Variants in ZNF423 observed in about 807,000 individuals in gnomAD.
ZNF423 encodes Ebf-associated zinc finger protein.
A neutral mutation model predicts 95.8 loss-of-function variants in ZNF423; 12 were observed. The observed-to-expected ratio is 0.13, with a 90% confidence interval of 0.08 to 0.20. The LOEUF (loss-of-function observed/expected upper bound fraction) is 0.20. Among genes scored for constraint, ZNF423 ranks in the 10% least tolerant of loss-of-function variants. ZNF423 has a pLI of 1.00. For synonymous variants in ZNF423, 749 were observed against 711.9 expected (o/e 1.05, Z -0.83); for missense variants, 1,316 against 1,737.1 (o/e 0.76, Z 4.31).
At chr16:49,542,296 T>G (rs1969279770) in intron 5 of ZNF423, among the ~76,000 whole-genome samples, 1 of 152,228 alleles carries the variant, frequency 6.6e-6, no homozygotes, top group African/African-American at 2.4e-5. Context: ...TCAAGTGGAA[T>G]GGACAGGCCA....
intron 2 of ZNF423, among the ~76,000 whole-genome samples, chr16:49,742,639 G>A (rs1286340586): frequency 3.9e-5 from 6 of 152,042 alleles, no homozygotes; most frequent in Admixed American, 6.6e-5. Flanking sequence ...CAGGGCCGGC[G>A]GTGGGCAGGG....
At chr16:49,710,854 A>G (rs1007942332) in intron 3 of ZNF423, among the ~76,000 whole-genome samples, 1 of 152,154 alleles carries the variant, frequency 6.6e-6, no homozygotes, top group African/African-American at 2.4e-5. Flanking sequence ...TGAGGTTGCA[A>G]TGTCTCCCTC....
intron 5 of ZNF423, among the ~76,000 whole-genome samples, chr16:49,552,528 GA>G (rs1333374758): frequency 6.6e-6 from 1 of 152,170 alleles, no homozygotes; most frequent in African/African-American, 2.4e-5. Context: ...AGAGATTGGA[GA>G]TATTAAGAAT....
chr16:49,723,283 C>CTGTAGTT (rs1248314100), intron 3 of ZNF423, among the ~76,000 whole-genome samples: 2 of 152,140 alleles, frequency 1.3e-5, no homozygotes, highest in Admixed American at 1.3e-4. Context: ...CTGTCCATTT[C>CTGTAGTT]TGTAGTTTGC....
chr16:49,651,004 AGTCACTTTTGGCTTTT>A (rs1973379131), intron 3 of ZNF423, among the ~76,000 whole-genome samples: 1 of 151,124 alleles, frequency 6.6e-6, no homozygotes, highest in South Asian at 2.1e-4. Context: ...CTTAATTCAC[AGTCACTTTTGGCTTTT>A]TTTTTTTCTT....
chr16:49,543,738 G>A (rs1488302411), intron 5 of ZNF423, among the ~76,000 whole-genome samples: 1 of 152,200 alleles, frequency 6.6e-6, no homozygotes, highest in African/African-American at 2.4e-5. Context: ...CCCAACTGAG[G>A]AAGGACTGCC....
intron 7 of ZNF423, among the ~76,000 whole-genome samples, chr16:49,519,707 A>T (rs759111774): frequency 6.6e-6 from 1 of 152,232 alleles, no homozygotes; most frequent in Non-Finnish European, 1.5e-5. Context: ...GTCTTTCAAA[A>T]GCAAACTTCT....
intron 5 of ZNF423, among the ~76,000 whole-genome samples, chr16:49,526,511 A>C (rs1968616332): frequency 6.6e-6 from 1 of 152,136 alleles, no homozygotes; most frequent in Admixed American, 6.5e-5. Flanking sequence ...AGCAGGTTCA[A>C]ATTCTGGCTC....
At chr16:49,669,789 C>T (rs1185315523) in intron 3 of ZNF423, among the ~76,000 whole-genome samples, 1 of 152,122 alleles carries the variant, frequency 6.6e-6, no homozygotes, top group Non-Finnish European at 1.5e-5. Flanking sequence ...AGGGCTCCTG[C>T]TTCCCTACTC....
Position 49,636,775 on chromosome 16 carries a change from C to G in ZNF423, c.2401G>C (p.Glu801Gln). 1 of 1,614,036 alleles carries G rather than the reference C, an allele frequency of 6.2e-7. No homozygotes were observed. The highest frequency in any genetic ancestry group is 8.5e-7 in the Non-Finnish European group (1 of 1,179,970). Residue 801 changes from glutamate to glutamine, a missense_variant, in exon 4 of 8, where the codon GAG becomes CAG. This residue lies in a region of ZNF423 where 620 missense variants were observed against 775.6 expected (regional missense o/e 0.80). Coordinates refer to ENST00000563137, the MANE Select transcript of ZNF423 (RefSeq NM_001379286.1). The surrounding 1 kb of genome is among the most constrained non-coding windows in gnomAD (Gnocchi z 8.6). ...GTGATGTGGCACTGCAGCTCCACCT[C>G]GGTGCTGAAGGTCTCCCCACAGAAG... Reference protein sequence around the residue: ...CIFCGETFSTEVELQCHITTH... With the variant: ...CIFCGETFSTQVELQCHITTH...
At position 49,843,344 on chromosome 16, in the gene ZNF423, A is replaced by G. The variant is rs182064537; in HGVS notation, c.40+12391T>C. 1.8e-4 allele frequency among the ~76,000 whole-genome samples: 27 copies of G among 152,328 alleles called. No individual in the cohort carries two copies. The East Asian group carries it at 5.2e-3, about 29-fold the overall frequency. The stretch of plus-strand genomic sequence containing the variant: ...CCTTATGGCTATTAACATGGAACAG[A>G]TTTATATACTCTAGGTGCTATCTCC... On this transcript the variant is annotated intron_variant, in intron 1 of 7. Transcript: ENST00000563137.
At position 49,551,197 on chromosome 16, in the gene ZNF423, C is replaced by A. The variant is rs114779018; in HGVS notation, c.3602-25703G>T. Among the ~76,000 whole-genome samples the A allele has an allele frequency of 3.4e-3, 519 of 152,354 alleles. 5 individuals carry two copies. The highest frequency in any genetic ancestry group is 0.011 in the African/African-American group (475 of 41,590). On this transcript the variant is annotated intron_variant, in intron 5 of 7. Transcript: ENST00000563137. ...CCACTCAAACTTCCTATCGTGTTGA[C>A]AAAATGTTTTTGCAACTAAGAAAAC... is the stretch of plus-strand genomic sequence containing the variant.
chr16:49,807,808 C>T (rs1179499096), intron 1 of ZNF423, among the ~76,000 whole-genome samples: 1 of 152,184 alleles, frequency 6.6e-6, no homozygotes, highest in Admixed American at 6.5e-5. Flanking sequence ...TCCCAGGGGC[C>T]GTGACAGGGT....
At chr16:49,770,203 C>CGAATGAATGAAT (rs10661234) in intron 2 of ZNF423, among the ~76,000 whole-genome samples, 1 of 150,704 alleles carries the variant, frequency 6.6e-6, no homozygotes, top group African/African-American at 2.4e-5. Flanking sequence ...AAAGAATGAA[C>CGAATGAATGAAT]GAATGAATGA....
chr16:49,618,987 T>A (rs1971969755), intron 5 of ZNF423, among the ~76,000 whole-genome samples: 1 of 152,202 alleles, frequency 6.6e-6, no homozygotes, highest in Non-Finnish European at 1.5e-5. Flanking sequence ...CCTCAAAGTT[T>A]GTTCTGTTGC....
In ZNF423 at chr16:49,758,376, T is replaced by C. The variant is rs1441395647; in HGVS notation, c.101-27405A>G. Among the ~76,000 whole-genome samples the C allele has an allele frequency of 2.6e-5, 4 of 152,296 alleles. No individual in the cohort carries two copies. The East Asian group carries it at 7.7e-4, about 29-fold the overall frequency. On this transcript the variant is annotated intron_variant, in intron 2 of 7. Transcript: ENST00000563137. ...CTGGTCTGGAACTCCTGGACTCAAG[T>C]GATCCACCCCCCTCAGCCTCCCAAA...
chr16:49,537,514 A>G (rs1422608219), intron 5 of ZNF423, among the ~76,000 whole-genome samples: 1 of 152,238 alleles, frequency 6.6e-6, no homozygotes, highest in Non-Finnish European at 1.5e-5. Context: ...AATACATTCA[A>G]ATCAATGATA....
chr16:49,725,251 G>A, intron 3 of ZNF423, among the ~76,000 whole-genome samples: 1 of 152,128 alleles, frequency 6.6e-6, no homozygotes, highest in African/African-American at 2.4e-5. Context: ...CAGGTATGGT[G>A]GGGCATGCCT....
chr16:49,713,813 A>G (rs1018466706), intron 3 of ZNF423, among the ~76,000 whole-genome samples: 15 of 152,198 alleles, frequency 9.9e-5, no homozygotes, highest in Non-Finnish European at 1.5e-4. Context: ...GAGACTGGAG[A>G]GACAGAAAGT....
Sources: gnomAD v4.1 joint callset for allele counts (sites outside exome capture counted in the v4.1 genomes callset) on GRCh38, gnomAD v4.1.1 for gene constraint, gnomAD v4.1.1 regional missense constraint, Gnocchi (gnomAD v3.1) non-coding constraint, MANE v1.5 for transcripts, NCBI Gene and HGNC (gene_info 2026-07-23, HGNC 2026-07-21) for gene names.